Variants in ZNF600 observed in about 807,000 individuals in gnomAD.
ZNF600 encodes zinc finger protein 600.
In ZNF600, 4 loss-of-function variants were observed where a neutral mutation model predicts 7.3. The ratio of observed to expected loss-of-function variants is 0.55; its 90% CI spans 0.27 to 1.25. ZNF600 has a LOEUF of 1.25. Among genes scored for constraint, ZNF600 ranks in the 50% most tolerant of loss-of-function variants. The probability of loss-of-function intolerance (pLI) is 0.12; values close to 1 mark genes in which losing one functional copy is unlikely to be tolerated. For synonymous variants in ZNF600, 290 were observed against 308.9 expected (o/e 0.94, Z 0.64); for missense variants, 911 against 922.1 (o/e 0.99, Z 0.16).
upstream of ZNF600, among the ~76,000 whole-genome samples, chr19:52,790,597 A>C (rs1179727610): frequency 6.6e-6 from 1 of 151,826 alleles, no homozygotes; most frequent in Non-Finnish European, 1.5e-5. Context: ...ACTTGAACCT[A>C]GGAGTTTCAG....
At chr19:52,829,183 T>TTTTTATTTTATTTTA in the ZNF600 span, among the ~76,000 whole-genome samples, 990 of 91,710 alleles carry the variant, frequency 0.011, 13 homozygotes, top group East Asian at 0.032. Context: ...TTTTTTTCTT[T>TTTTTATTTTATTTTA]TTTTATTTTA....
intron 1 of ZNF600, among the ~76,000 whole-genome samples, chr19:52,782,136 G>A (rs2062727556): frequency 6.6e-6 from 1 of 152,018 alleles, no homozygotes; most frequent in Non-Finnish European, 1.5e-5. Flanking sequence ...GCTGAGGTGG[G>A]AAAATCACTT....
the ZNF600 span, chr19:52,797,449 A>G: frequency 1.3e-5 from 2 of 152,276 alleles, no homozygotes; most frequent in Admixed American, 1.3e-4. Flanking sequence ...TGTAGATGAC[A>G]TGATCTGTGA....
the ZNF600 span, chr19:52,810,514 C>T: frequency 6.3e-7 from 1 of 1,591,276 alleles, no homozygotes; most frequent in African/African-American, 1.3e-5. Context: ...GAAGGCAAAT[C>T]AAGGTGATCC....
intron 1 of ZNF600, among the ~76,000 whole-genome samples, 182 bp from the exon 2 acceptor site, chr19:52,781,646 G>A (rs1363933400): frequency 6.6e-6 from 1 of 152,066 alleles, no homozygotes; most frequent in Non-Finnish European, 1.5e-5. Flanking sequence ...TGCATCTGCG[G>A]TCCCAGCTAC....
At chr19:52,811,484 G>A in the ZNF600 span, among the ~76,000 whole-genome samples, 1 of 149,344 alleles carries the variant, frequency 6.7e-6, no homozygotes, top group Non-Finnish European at 1.5e-5. Context: ...TCTAGGAAGT[G>A]AGGAGCGTCT....
chr19:52,812,762 TAAAAAA>T, the ZNF600 span, among the ~76,000 whole-genome samples: 8 of 75,400 alleles, frequency 1.1e-4, no homozygotes, highest in African/African-American at 3.0e-4. Context: ...GAATGATCAA[TAAAAAA>T]AAAAAAAAAA....
chr19:52,789,286 G>A (rs1332604176), upstream of ZNF600, among the ~76,000 whole-genome samples: 1 of 152,214 alleles, frequency 6.6e-6, no homozygotes, highest in Non-Finnish European at 1.5e-5. Context: ...CATGGTTACA[G>A]TAGAGGTAGG....
the ZNF600 span, among the ~76,000 whole-genome samples, chr19:52,792,294 CA>C: frequency 6.6e-6 from 1 of 152,124 alleles, no homozygotes; most frequent in African/African-American, 2.4e-5. Context: ...CTTTGAGCCC[CA>C]AATCACTAAG....
intron 1 of ZNF600, among the ~76,000 whole-genome samples, chr19:52,784,332 G>A (rs1183916281): frequency 2.0e-5 from 3 of 152,204 alleles, no homozygotes; most frequent in East Asian, 1.9e-4. Context: ...CTTGAGCCTA[G>A]GAGGTCGAGG....
At chr19:52,772,465 T>A (rs2062637731) in intron 3 of ZNF600, among the ~76,000 whole-genome samples, 1 of 151,704 alleles carries the variant, frequency 6.6e-6, no homozygotes, top group Non-Finnish European at 1.5e-5. Context: ...TAGCCAGGCG[T>A]GGTGGTGCAT....
At chr19:52,783,379 T>G (rs936318354) in intron 1 of ZNF600, among the ~76,000 whole-genome samples, 2 of 152,236 alleles carry the variant, frequency 1.3e-5, no homozygotes, top group Non-Finnish European at 2.9e-5. Flanking sequence ...TTGTTTGTTT[T>G]GAGACCGAGT....
intron 2 of ZNF600, among the ~76,000 whole-genome samples, chr19:52,775,809 C>T (rs575237002): frequency 2.0e-5 from 3 of 152,024 alleles, no homozygotes; most frequent in African/African-American, 7.2e-5. Context: ...GAGTTTGAGA[C>T]CAGCTTGGGA....
At chr19:52,784,645 G>T (rs2062749645) in intron 1 of ZNF600, among the ~76,000 whole-genome samples, 1 of 152,160 alleles carries the variant, frequency 6.6e-6, no homozygotes, top group Non-Finnish European at 1.5e-5. Flanking sequence ...TTTAAACAAG[G>T]TATTAGATGA....
chr19:52,800,032 T>G, the ZNF600 span: 104 of 1,613,726 alleles, frequency 6.4e-5, no homozygotes, highest in Non-Finnish European at 1.0e-5. Context: ...TTGTAAGGTT[T>G]CTCTCCAGTA....
chr19:52,787,242 C>G (rs555271387), upstream of ZNF600, among the ~76,000 whole-genome samples: 1 of 152,040 alleles, frequency 6.6e-6, no homozygotes, highest in South Asian at 2.1e-4. Flanking sequence ...TGCCTAAACA[C>G]AGCAGGGATG....
At chr19:52,785,678 C>G (rs1424668649) in intron 1 of ZNF600, among the ~76,000 whole-genome samples, 1 of 152,088 alleles carries the variant, frequency 6.6e-6, no homozygotes, top group African/African-American at 2.4e-5. Flanking sequence ...CCCTGTTATA[C>G]CCCTCTGTCC....
At chr19:52,814,166 G>A in the ZNF600 span, 5 of 146,936 alleles carry the variant, frequency 3.4e-5, 1 homozygote, top group East Asian at 8.0e-4. Context: ...AGGCTGGAAG[G>A]AGGATGGAGG....
At chr19:52,764,790 T>A (rs560968388) in exon 4 of ZNF600, 1 of 156,090 alleles carries the variant, frequency 6.4e-6, no homozygotes, top group Admixed American at 6.4e-5. Flanking sequence ...GTGCTGGGAT[T>A]ACTTACATGA....
Sources: allele counts gnomAD v4.1 joint callset (sites outside exome capture counted in the v4.1 genomes callset), GRCh38; gene constraint gnomAD v4.1.1; transcripts MANE v1.5; gene names NCBI Gene and HGNC (gene_info 2026-07-23, HGNC 2026-07-21).